LINGO2: variants seen among roughly 807,000 people sequenced by gnomAD.
LINGO2 encodes the protein leucine rich repeat and Ig domain containing 2.
A neutral mutation model predicts 30.6 loss-of-function variants in LINGO2; 14 were observed. That is an observed-to-expected ratio of 0.46 (90% CI 0.30 to 0.72). The LOEUF (loss-of-function observed/expected upper bound fraction) is 0.72. LINGO2 is among the 30% of genes least tolerant of loss of function. The pLI is 0.07. For synonymous variants in LINGO2, 317 were observed against 288.5 expected, an observed-to-expected ratio of 1.10 and a Z score of -1.00; for missense variants, 729 against 751.7, an observed-to-expected ratio of 0.97 and a Z score of 0.35.
chr9:28,127,616 T>A (rs1294814189), intron 4 of LINGO2, among the ~76,000 whole-genome samples: 1 of 152,176 alleles, frequency 6.6e-6, no homozygotes, highest in Admixed American at 6.5e-5. Context: ...GAATAGGGAA[T>A]GCAAGCCTAA....
Position 28,611,637 on chromosome 9 carries a change from G to T in LINGO2, c.-365+58563C>A, listed in dbSNP as rs554632980. Among the ~76,000 whole-genome samples, 13 of 152,030 alleles carry T rather than the reference G, an allele frequency of 8.6e-5. No homozygotes were observed. The South Asian group carries it at 2.7e-3, about 32-fold the overall frequency. Reference sequence around the variant, plus strand: ...TTTCATATATAAGTAGAATCATGTAGTTTGTTCTTTCTATTCCTGGATTCC... The same window carrying T: ...TTTCATATATAAGTAGAATCATGTATTTTGTTCTTTCTATTCCTGGATTCC... On this transcript the variant is annotated intron_variant, in intron 1 of 5. Coordinates refer to ENST00000379992, the Ensembl canonical transcript of LINGO2.
the LINGO2 span, among the ~76,000 whole-genome samples, chr9:28,902,725 G>T: frequency 6.6e-6 from 1 of 151,858 alleles, no homozygotes; most frequent in Non-Finnish European, 1.5e-5. Flanking sequence ...AACAATAACA[G>T]AAAGAATCTT....
At position 28,153,491 on chromosome 9, in the gene LINGO2, C is replaced by T. The variant is rs531915840; in HGVS notation, c.-86-141086G>A. Reference sequence around the variant, plus strand: ...ATTGATGTTCAGTACACTTCTTCCACATGGAATGAGCAAAAGTCTTGTTGT... The same window carrying T: ...ATTGATGTTCAGTACACTTCTTCCATATGGAATGAGCAAAAGTCTTGTTGT... On this transcript the variant is annotated intron_variant, in intron 4 of 5. Coordinates refer to ENST00000379992, the Ensembl canonical transcript of LINGO2. Among the ~76,000 whole-genome samples, 4 of 152,262 alleles carry T rather than the reference C, an allele frequency of 2.6e-5. No individual in the cohort carries two copies. The South Asian group carries it at 8.3e-4, about 32-fold the overall frequency.
intron 3 of LINGO2, among the ~76,000 whole-genome samples, chr9:28,349,258 T>G (rs1290504149): frequency 6.7e-6 from 1 of 149,618 alleles, no homozygotes; most frequent in African/African-American, 2.5e-5. Context: ...TGAAAAAAAT[T>G]TAGAAGAATG....
the LINGO2 span, among the ~76,000 whole-genome samples, chr9:28,816,181 AC>A: frequency 6.6e-6 from 1 of 152,170 alleles, no homozygotes; most frequent in Non-Finnish European, 1.5e-5. Flanking sequence ...TGATCTAATC[AC>A]CTTTTTAAAG....
the LINGO2 span, among the ~76,000 whole-genome samples, chr9:28,776,607 C>G: frequency 6.6e-6 from 1 of 152,174 alleles, no homozygotes; most frequent in Admixed American, 6.6e-5. Context: ...CATTCTCCCT[C>G]TCTCTATTCC....
At chr9:28,498,886 A>T (rs1024089229) in intron 1 of LINGO2, among the ~76,000 whole-genome samples, 4 of 151,600 alleles carry the variant, frequency 2.6e-5, no homozygotes, top group African/African-American at 9.8e-5. Flanking sequence ...CTATATAATA[A>T]AAATAATACT....
chr9:28,920,694 G>A, the LINGO2 span, among the ~76,000 whole-genome samples: 3 of 149,204 alleles, frequency 2.0e-5, no homozygotes, highest in East Asian at 2.0e-4. Context: ...AATCACAAAT[G>A]TCAGAGCCGG....
intron 1 of LINGO2, among the ~76,000 whole-genome samples, chr9:28,632,887 G>T (rs867580728): frequency 0.017 from 1,960 of 113,790 alleles, 52 homozygotes; most frequent in Admixed American, 0.021. Context: ...TATGTAGAGA[G>T]AGAGAGAGAG....
the LINGO2 span, among the ~76,000 whole-genome samples, chr9:28,763,482 C>A: frequency 6.6e-6 from 1 of 151,784 alleles, no homozygotes; most frequent in South Asian, 2.1e-4. Flanking sequence ...GAAAATATCT[C>A]AAGACAAACA....
chr9:29,188,680 G>A, the LINGO2 span, among the ~76,000 whole-genome samples: 603 of 124,200 alleles, frequency 4.9e-3, 5 homozygotes, highest in Middle Eastern at 8.1e-3. Flanking sequence ...CCTCCCGGAT[G>A]GGGCGGCTGG....
chr9:29,093,644 C>T, the LINGO2 span, among the ~76,000 whole-genome samples: 2 of 136,118 alleles, frequency 1.5e-5, no homozygotes, highest in African/African-American at 2.7e-5. Context: ...TATCCCTATC[C>T]TACCTCCAAG....
the LINGO2 span, among the ~76,000 whole-genome samples, chr9:28,698,401 G>T: frequency 6.6e-6 from 1 of 152,048 alleles, no homozygotes; most frequent in Non-Finnish European, 1.5e-5. Flanking sequence ...AACTCATGTT[G>T]TATCAATGTT....
chr9:28,367,871 T>G (rs1820738037), intron 3 of LINGO2, among the ~76,000 whole-genome samples: 1 of 152,184 alleles, frequency 6.6e-6, no homozygotes, highest in South Asian at 2.1e-4. Flanking sequence ...GTATTCTGCA[T>G]TAATTCTGGT....
the LINGO2 span, among the ~76,000 whole-genome samples, chr9:28,946,993 A>C: frequency 2.0e-5 from 3 of 152,110 alleles, no homozygotes; most frequent in African/African-American, 7.2e-5. Flanking sequence ...GAACAAAAGA[A>C]CCTGTGTTCT....
chr9:29,099,780 T>C, the LINGO2 span, among the ~76,000 whole-genome samples: 1 of 152,108 alleles, frequency 6.6e-6, no homozygotes, highest in East Asian at 1.9e-4. Flanking sequence ...AAATTGTGGG[T>C]GGAAATGTAA....
the LINGO2 span, among the ~76,000 whole-genome samples, chr9:28,997,456 A>G: frequency 1.3e-5 from 2 of 152,212 alleles, no homozygotes; most frequent in Non-Finnish European, 2.9e-5. Flanking sequence ...AATGACAAAT[A>G]TAACAGTTTG....
Position 28,531,506 on chromosome 9 carries a change from G to A in LINGO2, c.-364-55481C>T, listed in dbSNP as rs115411706. On this transcript the variant is annotated intron_variant, in intron 1 of 5. Transcript: ENST00000379992. ...CATAGTTTTGAAGTGTAGACAGAAG[G>A]TAACTTGTGTGTACTCTACTAGAAT... 8.3e-3 allele frequency among the ~76,000 whole-genome samples: 1,264 copies of A among 152,058 alleles called. 22 individuals are homozygous for A. The highest frequency in any genetic ancestry group is 0.029 in the African/African-American group (1,207 of 41,482).
Position 28,329,416 on chromosome 9 carries a change from G to T in LINGO2, c.-245-34050C>A, listed in dbSNP as rs1013823619. On this transcript the variant is annotated intron_variant, in intron 3 of 5. Transcript: ENST00000379992. The surrounding 1 kb of genome is among the most constrained non-coding windows in gnomAD (Gnocchi z 4.5). The stretch of plus-strand genomic sequence containing the variant: ...TTAACTTGAGGGCTTGGGCTAATAA[G>T]GTAGGGGCACACACCACGCTGTCTC... Among the ~76,000 whole-genome samples the T allele has an allele frequency of 6.6e-6, 1 of 152,052 alleles. No individual in the cohort carries two copies. The highest frequency in any genetic ancestry group is 2.4e-5 in the African/African-American group (1 of 41,392).
Sources: allele counts gnomAD v4.1 joint callset (sites outside exome capture counted in the v4.1 genomes callset), GRCh38; gene constraint gnomAD v4.1.1; non-coding constraint Gnocchi (gnomAD v3.1); transcripts MANE v1.5; gene names NCBI Gene and HGNC (gene_info 2026-07-23, HGNC 2026-07-21).